Variants in ALK observed in about 807,000 individuals in gnomAD.
ALK encodes ALK tyrosine kinase receptor.
A neutral mutation model predicts 163.1 loss-of-function variants in ALK; 74 were observed. The observed-to-expected ratio is 0.45, with a 90% CI of 0.38 to 0.55. ALK has a LOEUF of 0.55. Among genes scored for constraint, ALK ranks in the 20% least tolerant of loss-of-function variants. The pLI is 0.00. For missense variants in ALK, 2,063 were observed against 2,105.3 expected (o/e 0.98, Z 0.39); for synonymous variants, 960 against 843.2 (o/e 1.14, Z -2.40).
At chr2:29,829,517 C>G (rs1382609071) in intron 1 of ALK, among the ~76,000 whole-genome samples, 1 of 152,090 alleles carries the variant, frequency 6.6e-6, no homozygotes, top group Non-Finnish European at 1.5e-5. Context: ...TTGCCCAAGA[C>G]TATTACCAAG....
At chr2:29,670,445 C>A (rs1677646154) in intron 3 of ALK, among the ~76,000 whole-genome samples, 1 of 151,914 alleles carries the variant, frequency 6.6e-6, no homozygotes, top group Non-Finnish European at 1.5e-5. Context: ...ACTGCAGCAT[C>A]CTCTCTTTGT....
Position 29,768,723 on chromosome 2 carries a change from G to GTA in ALK, c.668-51027_668-51026insTA, listed in dbSNP as rs1558479813. Among the ~76,000 whole-genome samples the GTA allele has an allele frequency of 4.7e-3, 667 of 142,040 alleles. 10 individuals are homozygous for GTA. Among genetic ancestry groups the GTA allele is most frequent in the African/African-American group, 0.016 (621 of 38,414 alleles). 93.2% of individuals were successfully genotyped at this position (142,040 alleles called of 152,430 possible). A position where few individuals can be genotyped will look rare whatever the true frequency, so the allele number is the denominator to read the frequency against. ...TTAAATTATATATGTCTGTGTGTGT[G>GTA]TGTGTGTGTGTGTGTGTGTGTATAT... On this transcript the variant is annotated intron_variant, in intron 1 of 28. Coordinates refer to ENST00000389048, the MANE Select transcript of ALK (RefSeq NM_004304.5).
At chr2:29,348,578 G>A (rs145856835) in intron 5 of ALK, among the ~76,000 whole-genome samples, 113 of 152,214 alleles carry the variant, frequency 7.4e-4, no homozygotes, top group African/African-American at 2.5e-3. Context: ...GTAGCAGGAC[G>A]AGGGCAGGAC....
chr2:29,732,128 C>A (rs189270284), intron 1 of ALK, among the ~76,000 whole-genome samples: 6 of 152,194 alleles, frequency 3.9e-5, no homozygotes, highest in African/African-American at 4.8e-5. Context: ...AGGGAGAAAA[C>A]AATAAATCAT....
chr2:29,372,847 A>G lies in ALK; in HGVS notation c.1282+10885T>C, dbSNP rs75157239. On this transcript the variant is annotated intron_variant, in intron 5 of 28. Transcript: ENST00000389048. ...AAACAGAGATAGAGGTGAGGTTGGA[A>G]AGTTTGAATCCTGCTGTCAGTTGTT... is the stretch of plus-strand genomic sequence containing the variant. Among the ~76,000 whole-genome samples the G allele has an allele frequency of 1.9e-4, 29 of 152,300 alleles. No individual in the cohort carries two copies. In the East Asian group the frequency reaches 5.6e-3, roughly 29 times the overall value.
In ALK at chr2:29,193,301, C is replaced by G. The variant is rs748822593; in HGVS notation, c.4786G>C (p.Ala1596Pro). The G allele has an allele frequency of 6.2e-7, 1 of 1,614,140 alleles. No homozygotes were observed. The highest frequency in any genetic ancestry group is 8.5e-7 in the Non-Finnish European group (1 of 1,180,026). ...YQQQGLPLEA[A>P]TAPGAGHYED... ...TAATGACCAGCTCCAGGGGCAGTAG[C>G]GGCTTCTAAGGGCAAGCCCTGTTGC... Residue 1596 changes from alanine (A) to proline (P), a missense_variant, in exon 29 of 29, where the codon GCT (alanine) becomes CCT (proline). Physicochemically the swap from Ala to Pro is conservative, Grantham distance 27 (BLOSUM62 -1). Coordinates refer to ENST00000389048, the MANE Select transcript of ALK (RefSeq NM_004304.5).
rs1332886177 is a variant in ALK at position 29,676,924 on chromosome 2, T to C, written c.952+17926A>G. Among the ~76,000 whole-genome samples the C allele has an allele frequency of 2.0e-5, 3 of 152,212 alleles. No homozygotes were observed. In the East Asian group the frequency reaches 5.8e-4, roughly 29 times the overall value. ...GTGGAATTACTTTCTTAATTCCCTT[T>C]TGGAAATTGTTGTTAGAACATAGAA... On this transcript the variant is annotated intron_variant, in intron 3 of 28. Transcript: ENST00000389048.
At chr2:29,580,149 T>C (rs80107044) in intron 3 of ALK, among the ~76,000 whole-genome samples, 3,819 of 152,184 alleles carry the variant, frequency 0.025, 111 homozygotes, top group African/African-American at 0.065. Context: ...ATGATTCTTA[T>C]ATTAAGCCAC....
chr2:29,413,497 C>G (rs1007437083), intron 4 of ALK, among the ~76,000 whole-genome samples: 3 of 151,700 alleles, frequency 2.0e-5, no homozygotes, highest in African/African-American at 7.3e-5. Flanking sequence ...CAGGTGCACA[C>G]CACCACATCT....
In ALK at chr2:29,694,854, G is replaced by A. The variant is rs2148289573; in HGVS notation, c.948C>T (p.Pro316=). The A allele has an allele frequency of 6.2e-7, 1 of 1,613,754 alleles. No homozygotes were observed. The highest frequency in any genetic ancestry group is 2.2e-5 in the East Asian group (1 of 44,870). The part of the protein sequence containing the change: ...GPGAERSKEM[P]RGSFLLLNTS... ...CACCAGCAGCCTCTCCCTTACCTCT[G>A]GGCATCTCCTTAGAACGCTCTGCCC... The change falls in exon 3 of 29, where the codon CCC becomes CCT. Residue 316 remains proline, a synonymous_variant. Transcript: ENST00000389048.
At chr2:29,348,097 G>T (rs769472672) in intron 5 of ALK, among the ~76,000 whole-genome samples, 3 of 152,076 alleles carry the variant, frequency 2.0e-5, no homozygotes, top group Non-Finnish European at 2.9e-5. Context: ...AGGACAACAG[G>T]GCTGAAGGAG....
At chr2:29,597,910 G>A (rs1675258058) in intron 3 of ALK, among the ~76,000 whole-genome samples, 1 of 152,194 alleles carries the variant, frequency 6.6e-6, no homozygotes, top group East Asian at 1.9e-4. Context: ...TGCCTGAGGA[G>A]AGTGTGGGCC....
intron 1 of ALK, among the ~76,000 whole-genome samples, chr2:29,830,325 A>G (rs1665331680): frequency 1.3e-5 from 2 of 152,180 alleles, no homozygotes; most frequent in Non-Finnish European, 2.9e-5. Flanking sequence ...GTAATCTAGG[A>G]GAAAAATCAT....
chr2:29,829,352 A>T (rs77139075), intron 1 of ALK, among the ~76,000 whole-genome samples: 3,633 of 151,562 alleles, frequency 0.024, 82 homozygotes, highest in African/African-American at 0.05. Flanking sequence ...GGTTAAACTG[A>T]TGCAGTTTAA....
At chr2:29,500,799 A>G (rs577004133) in intron 4 of ALK, among the ~76,000 whole-genome samples, 101 of 152,226 alleles carry the variant, frequency 6.6e-4, no homozygotes, top group Non-Finnish European at 1.3e-3. Context: ...CAGGAGCCCA[A>G]TGCTGCCATT....
At chr2:29,353,864 A>C (rs1012088832) in intron 5 of ALK, among the ~76,000 whole-genome samples, 3 of 152,204 alleles carry the variant, frequency 2.0e-5, no homozygotes, top group Non-Finnish European at 2.9e-5. Flanking sequence ...TGAATTCTTC[A>C]TGGACATCCC....
chr2:29,756,875 A>G (rs1028418985), intron 1 of ALK, among the ~76,000 whole-genome samples: 1 of 152,212 alleles, frequency 6.6e-6, no homozygotes, highest in Non-Finnish European at 1.5e-5. Flanking sequence ...GATTAGGAAC[A>G]TTACAGAGAA....
intron 3 of ALK, among the ~76,000 whole-genome samples, chr2:29,668,508 C>T (rs1299592850): frequency 6.6e-6 from 1 of 151,958 alleles, no homozygotes; most frequent in Non-Finnish European, 1.5e-5. Context: ...TCTTCATTGA[C>T]CCATTGGTTG....
intron 13 of ALK, among the ~76,000 whole-genome samples, chr2:29,239,056 A>G (rs1279059462): frequency 1.3e-5 from 2 of 152,226 alleles, no homozygotes; most frequent in African/African-American, 4.8e-5. Context: ...GAAAGTCCCA[A>G]TTATAGTTGC....
Sources: allele counts gnomAD v4.1 joint callset (sites outside exome capture counted in the v4.1 genomes callset), GRCh38; gene constraint gnomAD v4.1.1; transcripts MANE v1.5; gene names NCBI Gene and HGNC (gene_info 2026-07-23, HGNC 2026-07-21).